The following PLPPR1 variants were observed in gnomAD, a reference collection of about 807,000 sequenced individuals.
PLPPR1 encodes phospholipid phosphatase-related protein type 1.
PLPPR1 carries 10 observed loss-of-function variants against 33.1 expected under a neutral mutation model. The ratio of observed to expected loss-of-function variants is 0.30; its 90% CI spans 0.19 to 0.51. The LOEUF is 0.51. PLPPR1 is among the 20% of genes least tolerant of loss of function. PLPPR1 has a pLI of 0.97. For synonymous variants in PLPPR1, 151 were observed against 151.0 expected (o/e 1.00, Z 0.00); for missense variants, 304 against 408.1 (o/e 0.74, Z 2.20).
At chr9:101,165,861 A>G (rs1482512485) in intron 1 of PLPPR1, among the ~76,000 whole-genome samples, 1 of 152,168 alleles carries the variant, frequency 6.6e-6, no homozygotes, top group Non-Finnish European at 1.5e-5. Context: ...TCTATTTGCT[A>G]TTTTAATAAT....
At chr9:101,050,813 A>G (rs1332682395) in intron 1 of PLPPR1, among the ~76,000 whole-genome samples, 1 of 152,160 alleles carries the variant, frequency 6.6e-6, no homozygotes, top group Non-Finnish European at 1.5e-5. Flanking sequence ...TTTGAAACTC[A>G]CAGAGTTTCA....
chr9:101,109,134 ATT>A (rs67666339), intron 1 of PLPPR1, among the ~76,000 whole-genome samples: 8,298 of 99,812 alleles, frequency 0.083, 678 homozygotes, highest in East Asian at 0.26. Context: ...AATTTTTTGT[ATT>A]TTTTTTTTTT....
chr9:101,031,166 G>C (rs1424783836), intron 1 of PLPPR1, among the ~76,000 whole-genome samples: 1 of 152,124 alleles, frequency 6.6e-6, no homozygotes, highest in African/African-American at 2.4e-5. Flanking sequence ...ATCCCATGGT[G>C]AACACTCTCA....
At chr9:101,318,040 A>G (rs995737648) in intron 7 of PLPPR1, among the ~76,000 whole-genome samples, 3 of 152,204 alleles carry the variant, frequency 2.0e-5, no homozygotes, top group African/African-American at 2.4e-5. Flanking sequence ...CAAATAACTC[A>G]TAGATAAGGA....
At chr9:101,070,862 C>G (rs1343625924) in intron 1 of PLPPR1, among the ~76,000 whole-genome samples, 1 of 152,232 alleles carries the variant, frequency 6.6e-6, no homozygotes, top group African/African-American at 2.4e-5. Context: ...CCAGCACTAA[C>G]AACAGTATCT....
intron 2 of PLPPR1, among the ~76,000 whole-genome samples, chr9:101,257,820 A>G (rs938942639): frequency 8.8e-6 from 1 of 113,278 alleles, no homozygotes; most frequent in Non-Finnish European, 1.7e-5. Context: ...GTTGGGCTAA[A>G]ATCCTATTTT....
chr9:101,238,493 G>A (rs1438771019), intron 2 of PLPPR1, among the ~76,000 whole-genome samples: 1 of 150,958 alleles, frequency 6.6e-6, no homozygotes, highest in Non-Finnish European at 1.5e-5. Flanking sequence ...ATACTTCGAT[G>A]GAATTGGAGG....
intron 1 of PLPPR1, among the ~76,000 whole-genome samples, chr9:101,152,869 C>T (rs1251075634): frequency 1.3e-5 from 2 of 152,308 alleles, no homozygotes; most frequent in African/African-American, 2.4e-5. Flanking sequence ...TTAGGATTGA[C>T]TTGGCAATGC....
chr9:101,107,890 C>T (rs949118245), intron 1 of PLPPR1, among the ~76,000 whole-genome samples: 9 of 151,480 alleles, frequency 5.9e-5, no homozygotes, highest in African/African-American at 1.5e-4. Context: ...GCACAATATT[C>T]GGGTGGGAGT....
intron 2 of PLPPR1, 25 bp from the exon 3 acceptor site, chr9:101,269,855 C>G (rs781654377): frequency 1.2e-5 from 19 of 1,612,752 alleles, no homozygotes; most frequent in Admixed American, 8.3e-5. Flanking sequence ...GCTAATGTCT[C>G]TGTGTGGCCA....
chr9:101,148,212 A>G (rs117444843), intron 1 of PLPPR1, among the ~76,000 whole-genome samples: 1,586 of 152,196 alleles, frequency 0.01, 10 homozygotes, highest in Middle Eastern at 0.02. Flanking sequence ...CTTGTGACCA[A>G]TCTTCTTTAC....
chr9:101,171,719 C>T (rs1269624477), intron 1 of PLPPR1, among the ~76,000 whole-genome samples: 1 of 152,170 alleles, frequency 6.6e-6, no homozygotes, highest in African/African-American at 2.4e-5. Context: ...GGATGTGTTC[C>T]TATCCCTTAA....
At chr9:101,183,546 T>G (rs978532928) in intron 1 of PLPPR1, among the ~76,000 whole-genome samples, 5 of 151,828 alleles carry the variant, frequency 3.3e-5, no homozygotes, top group African/African-American at 1.2e-4. Flanking sequence ...ATGATAATTC[T>G]TTTAGGGGTG....
At chr9:101,144,607 C>A (rs1387791571) in intron 1 of PLPPR1, among the ~76,000 whole-genome samples, 1 of 152,078 alleles carries the variant, frequency 6.6e-6, no homozygotes, top group Non-Finnish European at 1.5e-5. Context: ...GACACATTAA[C>A]CTTGGACTTC....
chr9:101,213,787 A>T (rs1379160249), intron 2 of PLPPR1, among the ~76,000 whole-genome samples: 1 of 152,238 alleles, frequency 6.6e-6, no homozygotes, highest in East Asian at 1.9e-4. Flanking sequence ...AAACAGAGGG[A>T]AACTTAGTTT....
At chr9:101,183,628 T>C (rs966985864) in intron 1 of PLPPR1, among the ~76,000 whole-genome samples, 2 of 151,684 alleles carry the variant, frequency 1.3e-5, no homozygotes, top group Admixed American at 6.6e-5. Flanking sequence ...TATTGAATTG[T>C]ACACTTAAAA....
chr9:101,256,921 A>T (rs897515669), intron 2 of PLPPR1, among the ~76,000 whole-genome samples: 1 of 152,140 alleles, frequency 6.6e-6, no homozygotes, highest in African/African-American at 2.4e-5. Context: ...CACCCCCAAG[A>T]CAAATAAACA....
rs149927723 is a variant in PLPPR1, at chr9:101,078,781, C to A, written c.-46+49679C>A. Among the ~76,000 whole-genome samples the A allele has an allele frequency of 6.2e-3, 939 of 152,176 alleles. 12 individuals are homozygous for A. Among genetic ancestry groups the A allele is most frequent in the African/African-American group, 0.022 (906 of 41,516 alleles). Reference sequence around the variant, plus strand: ...CTTTTTGCTCTCCTCTATCTTCATTCCCTCCTGTCTCAATTCTTGTATGTT... The same window carrying A: ...CTTTTTGCTCTCCTCTATCTTCATTACCTCCTGTCTCAATTCTTGTATGTT... On this transcript the variant is annotated intron_variant, in intron 1 of 7. Transcript: ENST00000374874.
chr9:101,292,693 C>A (rs934563457), intron 4 of PLPPR1, among the ~76,000 whole-genome samples: 6 of 151,856 alleles, frequency 4.0e-5, no homozygotes, highest in African/African-American at 1.5e-4. Context: ...AATTTCATAT[C>A]CAGCCAAACT....
Sources: allele counts gnomAD v4.1 joint callset (sites outside exome capture counted in the v4.1 genomes callset), GRCh38; gene constraint gnomAD v4.1.1; transcripts MANE v1.5; gene names NCBI Gene and HGNC (gene_info 2026-07-23, HGNC 2026-07-21).